The following LRRC4C variants were observed in gnomAD, a reference collection of about 807,000 sequenced individuals.
LRRC4C encodes the protein leucine rich repeat containing 4C.
A neutral mutation model predicts 33.6 loss-of-function variants in LRRC4C; 5 were observed. The observed-to-expected ratio is 0.15, with a 90% CI of 0.08 to 0.31. The LOEUF is 0.31. LRRC4C is among the 10% of genes least tolerant of loss of function. LRRC4C has a pLI of 1.00. For synonymous variants in LRRC4C, 329 were observed against 302.0 expected, an observed-to-expected ratio of 1.09 and a Z score of -0.93; for missense variants, 560 against 796.7, an observed-to-expected ratio of 0.70 and a Z score of 3.58.
Position 40,337,218 on chromosome 11 carries a change from G to A in LRRC4C, c.-269-17497C>T, listed in dbSNP as rs538581611. 3.0e-4 allele frequency among the ~76,000 whole-genome samples: 46 copies of A among 152,208 alleles called. 1 individual carries two copies. The highest frequency in any genetic ancestry group is 3.3e-4 in the Admixed American group (5 of 15,278). ...CTTCATGAGAAAATCAGCATGGGTTGGAACTGAGTAAAAAATGTGTTCAGA... is the reference window on the plus strand; with the variant it reads ...CTTCATGAGAAAATCAGCATGGGTTAGAACTGAGTAAAAAATGTGTTCAGA... On this transcript the variant is annotated intron_variant, in intron 3 of 6. Coordinates refer to ENST00000528697, the MANE Select transcript of LRRC4C (RefSeq NM_001258419.2).
chr11:41,185,224 A>C (rs1177051603), intron 1 of LRRC4C, among the ~76,000 whole-genome samples: 1 of 152,220 alleles, frequency 6.6e-6, no homozygotes, highest in African/African-American at 2.4e-5. Context: ...GATTATTCTA[A>C]GAATTACATA....
chr11:41,011,097 G>A lies in LRRC4C; in HGVS notation c.-495-77374C>T, dbSNP rs568263841. 3.3e-4 allele frequency among the ~76,000 whole-genome samples: 50 copies of A among 152,086 alleles called. 1 individual carries two copies. The South Asian group carries it at 9.8e-3, about 30-fold the overall frequency. ...ATAAACTATAACTACAATTTACATC[G>A]CTCCTATTCCATAGATATCCAACCA... On this transcript the variant is annotated intron_variant, in intron 1 of 6. Coordinates refer to ENST00000528697, the MANE Select transcript of LRRC4C (RefSeq NM_001258419.2).
intron 4 of LRRC4C, among the ~76,000 whole-genome samples, chr11:40,271,937 TCCAGTCATACTA>T (rs1404884364): frequency 6.6e-6 from 1 of 152,168 alleles, no homozygotes; most frequent in Non-Finnish European, 1.5e-5. Context: ...TTAATATAAT[TCCAGTCATACTA>T]CCATTTGGTC....
intron 1 of LRRC4C, among the ~76,000 whole-genome samples, chr11:41,132,326 A>T (rs1448288903): frequency 6.6e-6 from 1 of 152,196 alleles, no homozygotes; most frequent in Non-Finnish European, 1.5e-5. Flanking sequence ...TTGACCATAG[A>T]TATTCATTCA....
At chr11:40,879,392 T>C (rs1406307704) in intron 2 of LRRC4C, among the ~76,000 whole-genome samples, 1 of 152,060 alleles carries the variant, frequency 6.6e-6, no homozygotes, top group Non-Finnish European at 1.5e-5. Flanking sequence ...ACCCAACTCA[T>C]GGAAAGATGA....
chr11:40,124,201 T>C (rs1599555), intron 6 of LRRC4C, among the ~76,000 whole-genome samples: 9,593 of 152,170 alleles, frequency 0.063, 417 homozygotes, highest in Non-Finnish European at 0.089. Flanking sequence ...AAAAGGGAAC[T>C]CTCAAAATGT....
At position 40,687,957 on chromosome 11, in the gene LRRC4C, T is replaced by C. The variant is rs1325484349; in HGVS notation, c.-406-39679A>G. ...TTATAATAAATACCTGGATAAACAA[T>C]ATTTAAATAAGCATAGCCCTGCTTT... On this transcript the variant is annotated intron_variant, in intron 2 of 6. Coordinates refer to ENST00000528697, the MANE Select transcript of LRRC4C (RefSeq NM_001258419.2). 2.6e-5 allele frequency among the ~76,000 whole-genome samples: 4 copies of C among 151,354 alleles called. No homozygotes were observed. In the East Asian group the frequency reaches 7.9e-4, roughly 30 times the overall value.
chr11:41,011,104 T>A (rs1306507277), intron 1 of LRRC4C, among the ~76,000 whole-genome samples: 3 of 152,174 alleles, frequency 2.0e-5, no homozygotes, highest in African/African-American at 7.2e-5. Context: ...ATCGCTCCTA[T>A]TCCATAGATA....
chr11:40,247,882 C>T (rs12226229), intron 4 of LRRC4C, among the ~76,000 whole-genome samples: 1 of 152,160 alleles, frequency 6.6e-6, no homozygotes, highest in African/African-American at 2.4e-5. Flanking sequence ...ACAACTGAAA[C>T]TAGGGAGTCT....
rs577549931 is a variant in LRRC4C at position 40,531,028 on chromosome 11, A to G, written c.-270+117114T>C. ...AAGTAGAGTATTGAAAGCATTCAAA[A>G]CAACTATTGGCACATAGTAAATCAT... On this transcript the variant is annotated intron_variant, in intron 3 of 6. Coordinates refer to ENST00000528697, the MANE Select transcript of LRRC4C (RefSeq NM_001258419.2). Among the ~76,000 whole-genome samples, 5 of 152,208 alleles carry G rather than the reference A, an allele frequency of 3.3e-5. No homozygotes were observed. In the South Asian group the frequency reaches 1.0e-3, roughly 32 times the overall value.
chr11:41,163,206 C>A (rs1235184451), intron 1 of LRRC4C, among the ~76,000 whole-genome samples: 3 of 151,738 alleles, frequency 2.0e-5, no homozygotes, highest in Non-Finnish European at 4.4e-5. Context: ...CCCAATTAAA[C>A]CTCTTTTTCT....
At chr11:40,712,941 T>C (rs1946537771) in intron 2 of LRRC4C, among the ~76,000 whole-genome samples, 1 of 151,900 alleles carries the variant, frequency 6.6e-6, no homozygotes, top group African/African-American at 2.4e-5. Flanking sequence ...CAAGCTGGAG[T>C]GCAGTGGTGT....
intron 2 of LRRC4C, among the ~76,000 whole-genome samples, chr11:40,814,806 A>T (rs12788211): frequency 0.054 from 8,210 of 152,030 alleles, 314 homozygotes; most frequent in Admixed American, 0.09. Flanking sequence ...CAAAAGTGAC[A>T]TTTACTCCAG....
chr11:40,325,417 G>A (rs1946048085), intron 3 of LRRC4C, among the ~76,000 whole-genome samples: 1 of 152,152 alleles, frequency 6.6e-6, no homozygotes, highest in Admixed American at 6.5e-5. Flanking sequence ...AGGTTAGCTT[G>A]AGCCAGGAGT....
At chr11:40,769,632 A>G (rs1949655863) in intron 2 of LRRC4C, among the ~76,000 whole-genome samples, 1 of 152,212 alleles carries the variant, frequency 6.6e-6, no homozygotes, top group Non-Finnish European at 1.5e-5. Context: ...AAAAACAGAT[A>G]CATAGACCAA....
At chr11:40,627,632 G>A (rs1963077878) in intron 3 of LRRC4C, among the ~76,000 whole-genome samples, 1 of 152,172 alleles carries the variant, frequency 6.6e-6, no homozygotes, top group African/African-American at 2.4e-5. Context: ...ATAGAGAAGA[G>A]TTTGCACCTT....
chr11:40,593,420 A>G (rs1959148047), intron 3 of LRRC4C, among the ~76,000 whole-genome samples: 1 of 152,216 alleles, frequency 6.6e-6, no homozygotes, highest in African/African-American at 2.4e-5. Flanking sequence ...ATACACAATT[A>G]TCAATTATAT....
At chr11:40,891,912 T>G (rs1194612847) in intron 2 of LRRC4C, among the ~76,000 whole-genome samples, 5 of 151,824 alleles carry the variant, frequency 3.3e-5, no homozygotes, top group Non-Finnish European at 5.9e-5. Context: ...AAGGTGGGTG[T>G]ATCACGAGTT....
intron 1 of LRRC4C, among the ~76,000 whole-genome samples, chr11:41,442,762 C>T (rs926017339): frequency 6.6e-6 from 1 of 152,026 alleles, no homozygotes; most frequent in Non-Finnish European, 1.5e-5. Context: ...AGCCACCGCG[C>T]CCGGCCTGTT....
Sources: gnomAD v4.1 joint callset for allele counts (sites outside exome capture counted in the v4.1 genomes callset) on GRCh38, gnomAD v4.1.1 for gene constraint, MANE v1.5 for transcripts, NCBI Gene and HGNC (gene_info 2026-07-23, HGNC 2026-07-21) for gene names.